LOXHD1: variants seen among roughly 807,000 people sequenced by gnomAD.
LOXHD1 encodes lipoxygenase homology PLAT domains 1, also known as lipoxygenase homology domain-containing protein 1.
A neutral mutation model predicts 248.2 loss-of-function variants in LOXHD1; 205 were observed. The observed-to-expected ratio is 0.83, with a 90% CI of 0.74 to 0.93. The LOEUF is 0.93. LOXHD1 is among the 40% of genes least tolerant of loss of function. The pLI is 0.00. For synonymous variants in LOXHD1, 1,113 were observed against 1,162.8 expected (o/e 0.96, Z 0.87); for missense variants, 2,930 against 2,971.6 (o/e 0.99, Z 0.33).
chr18:46,627,801 A>C (rs903121373), intron 4 of LOXHD1, among the ~76,000 whole-genome samples: 9 of 152,212 alleles, frequency 5.9e-5, no homozygotes, highest in Non-Finnish European at 1.3e-4. Context: ...CAGTTTGAGC[A>C]TCACCTCCTC....
chr18:46,626,998 G>A (rs1449088380), intron 4 of LOXHD1, among the ~76,000 whole-genome samples: 3 of 152,192 alleles, frequency 2.0e-5, no homozygotes, highest in African/African-American at 7.2e-5. Flanking sequence ...TGTCATCTTT[G>A]AGTGATTGGA....
chr18:46,562,804 C>T (rs1405760760), intron 18 of LOXHD1, among the ~76,000 whole-genome samples: 2 of 152,182 alleles, frequency 1.3e-5, no homozygotes, highest in Admixed American at 6.5e-5. Flanking sequence ...TGGTATGGGG[C>T]GTGCACCAGG....
At chr18:46,609,237 C>T (rs548475467) in intron 6 of LOXHD1, among the ~76,000 whole-genome samples, 6 of 152,242 alleles carry the variant, frequency 3.9e-5, no homozygotes, top group East Asian at 3.9e-4. Flanking sequence ...GCGATGGTAA[C>T]GCAGAGAGGG....
At chr18:46,648,685 A>G (rs2039065877) in intron 2 of LOXHD1, among the ~76,000 whole-genome samples, 1 of 152,232 alleles carries the variant, frequency 6.6e-6, no homozygotes, top group Non-Finnish European at 1.5e-5. Flanking sequence ...CACACACACA[A>G]GCAATCCCTG....
intron 15 of LOXHD1, among the ~76,000 whole-genome samples, chr18:46,570,539 T>C (rs922498296): frequency 1.3e-5 from 2 of 152,196 alleles, no homozygotes; most frequent in African/African-American, 4.8e-5. Flanking sequence ...TCAGCTCCAT[T>C]AGTGCCACCC....
intron 34 of LOXHD1, among the ~76,000 whole-genome samples, chr18:46,511,662 A>G (rs2034969167): frequency 6.6e-6 from 1 of 152,192 alleles, no homozygotes; most frequent in Non-Finnish European, 1.5e-5. Context: ...ATTGCTACAA[A>G]GCCCGGGAAG....
At chr18:46,481,529 A>C (rs1309696137) in intron 40 of LOXHD1, among the ~76,000 whole-genome samples, 1 of 152,102 alleles carries the variant, frequency 6.6e-6, no homozygotes, top group East Asian at 1.9e-4. Flanking sequence ...TCTCCTCCCA[A>C]AGGGCAGCGT....
chr18:46,486,040 T>C (rs2033023742), intron 38 of LOXHD1, among the ~76,000 whole-genome samples: 1 of 151,996 alleles, frequency 6.6e-6, no homozygotes, highest in Admixed American at 6.6e-5. Flanking sequence ...TCAAAAGTCA[T>C]GTCTCAGAGA....
Position 46,524,798 on chromosome 18 carries a change from G to A in LOXHD1, c.4650C>T (p.Asp1550=). ...GGAACAGGAACTCGTCCTCGTTGGTGTCATTCCAGATCTCCACCTTCTCCA... is the reference window on the plus strand; with the variant it reads ...GGAACAGGAACTCGTCCTCGTTGGTATCATTCCAGATCTCCACCTTCTCCA... ...WYVEKVEIWN[D]TNEDEFLFLC... Residue 1550 remains aspartate, a synonymous_variant, in exon 30 of 41, where the codon GAC becomes GAT. Coordinates refer to ENST00000642948, the MANE Select transcript of LOXHD1 (RefSeq NM_001384474.1). 6.4e-7 allele frequency: 1 copy of A among 1,551,774 alleles called. No individual in the cohort carries two copies. The highest frequency in any genetic ancestry group is 2.0e-5 in the Admixed American group (1 of 51,010).
intron 4 of LOXHD1, among the ~76,000 whole-genome samples, chr18:46,623,880 C>A (rs1389288222): frequency 6.6e-6 from 1 of 152,240 alleles, no homozygotes; most frequent in Non-Finnish European, 1.5e-5. Flanking sequence ...CCCCCTAATT[C>A]GGTGCTGCAT....
At chr18:46,518,911 T>A (rs745500552) in intron 33 of LOXHD1, 15 of 985,300 alleles carry the variant, frequency 1.5e-5, no homozygotes, top group African/African-American at 1.7e-5. Flanking sequence ...ACTGGAGAAG[T>A]GAGACAATCC....
chr18:46,648,085 C>T (rs1236582710), intron 2 of LOXHD1, among the ~76,000 whole-genome samples: 1 of 152,028 alleles, frequency 6.6e-6, no homozygotes, highest in Non-Finnish European at 1.5e-5. Context: ...GGTGAAACCC[C>T]GTTTCTATTA....
In LOXHD1 at chr18:46,621,829, G is replaced by T. The variant is rs1045460463; in HGVS notation, c.512-3539C>A. 2.0e-5 allele frequency among the ~76,000 whole-genome samples: 3 copies of T among 152,124 alleles called. No individual in the cohort carries two copies. In the South Asian group the frequency reaches 6.2e-4, roughly 32 times the overall value. ...GAAATAATTCCCATGTGAGCCAAAA[G>T]GTCACCTTTCATCTCTGAAAATGAC... On this transcript the variant is annotated intron_variant, in intron 4 of 40. Coordinates refer to ENST00000642948, the MANE Select transcript of LOXHD1 (RefSeq NM_001384474.1).
intron 4 of LOXHD1, among the ~76,000 whole-genome samples, chr18:46,629,320 T>C (rs1053135911): frequency 3.3e-5 from 5 of 152,210 alleles, no homozygotes; most frequent in Admixed American, 6.5e-5. Context: ...AGATTAATGA[T>C]TTAATTACTC....
intron 6 of LOXHD1, among the ~76,000 whole-genome samples, chr18:46,605,493 G>A (rs1004142714): frequency 6.6e-6 from 1 of 152,126 alleles, no homozygotes; most frequent in Non-Finnish European, 1.5e-5. Flanking sequence ...CAGTCTGGGC[G>A]ATAGTGCAAG....
At chr18:46,653,238 C>A (rs553675953) in intron 1 of LOXHD1, among the ~76,000 whole-genome samples, 1 of 152,046 alleles carries the variant, frequency 6.6e-6, no homozygotes, top group Non-Finnish European at 1.5e-5. Flanking sequence ...CAGAGCGAGA[C>A]TCCATCTCAA....
rs115949081 is a variant in LOXHD1, at chr18:46,620,789, C to T, written c.512-2499G>A. Among the ~76,000 whole-genome samples the T allele has an allele frequency of 2.6e-3, 389 of 152,320 alleles. 1 individual carries two copies. The highest frequency in any genetic ancestry group is 8.9e-3 in the African/African-American group (369 of 41,572). The stretch of plus-strand genomic sequence containing the variant: ...TTCCTTGACACTTGACCAAGAAGGA[C>T]AGACTCTGGAGGGAAGCCAGGAGAT... On this transcript the variant is annotated intron_variant, in intron 4 of 40. Coordinates refer to ENST00000642948, the MANE Select transcript of LOXHD1 (RefSeq NM_001384474.1).
chr18:46,584,944 TAG>T lies in LOXHD1; in HGVS notation c.1655-5162_1655-5161del, dbSNP rs1555683095. ...CAATTAATGTAATTTATCAAATTAA[TAG>T]AATAAAAAGCAAAAATCACATTATT... On this transcript the variant is annotated intron_variant, in intron 12 of 40. Transcript: ENST00000642948. Among the ~76,000 whole-genome samples the T allele has an allele frequency of 2.6e-3, 396 of 152,168 alleles. 4 individuals are homozygous for T. The highest frequency in any genetic ancestry group is 8.8e-3 in the African/African-American group (365 of 41,524).
intron 15 of LOXHD1, among the ~76,000 whole-genome samples, chr18:46,570,958 G>A (rs1011196453): frequency 6.6e-6 from 1 of 152,146 alleles, no homozygotes; most frequent in African/African-American, 2.4e-5. Flanking sequence ...GAAGGACAGT[G>A]ACATAGACAG....
Sources: gnomAD v4.1 joint callset for allele counts (sites outside exome capture counted in the v4.1 genomes callset) on GRCh38, gnomAD v4.1.1 for gene constraint, MANE v1.5 for transcripts, NCBI Gene and HGNC (gene_info 2026-07-23, HGNC 2026-07-21) for gene names.